Variants in IL1RAP observed in about 807,000 individuals in gnomAD.
The protein encoded by IL1RAP is interleukin-1 receptor accessory protein.
IL1RAP carries 35 observed loss-of-function variants against 60.7 expected under a neutral mutation model. The ratio of observed to expected loss-of-function variants is 0.58; its 90% confidence interval spans 0.44 to 0.76. The LOEUF (loss-of-function observed/expected upper bound fraction) is 0.76. IL1RAP is among the 30% of genes least tolerant of loss of function. The probability of loss-of-function intolerance (pLI) is 0.00; values close to 1 mark genes in which losing one functional copy is unlikely to be tolerated. For synonymous variants in IL1RAP, 268 were observed against 250.9 expected (o/e 1.07, Z -0.64); for missense variants, 572 against 693.9 (o/e 0.82, Z 1.97).
chr3:190,538,289 G>C (rs903482854), intron 1 of IL1RAP, among the ~76,000 whole-genome samples: 1 of 152,154 alleles, frequency 6.6e-6, no homozygotes, highest in African/African-American at 2.4e-5. Flanking sequence ...TCTTGTCCTA[G>C]ACTTATGGAA....
chr3:190,629,862 A>G, intron 9 of IL1RAP: 1 of 986,612 alleles, frequency 1.0e-6, no homozygotes, highest in Non-Finnish European at 1.2e-6. Context: ...AATTATTAAG[A>G]CCCTTTTAAA....
intron 5 of IL1RAP, among the ~76,000 whole-genome samples, chr3:190,609,722 C>T (rs1264064793): frequency 6.6e-6 from 1 of 152,168 alleles, no homozygotes; most frequent in African/African-American, 2.4e-5. Context: ...TCTCCACATA[C>T]ACCAAAGCCG....
chr3:190,522,317 CCTTCCTTCCTTCCTTCCTTCCTT>C (rs1722109571), intron 1 of IL1RAP, among the ~76,000 whole-genome samples: 1 of 133,318 alleles, frequency 7.5e-6, no homozygotes, highest in African/African-American at 3.3e-5. Context: ...TTCCTTCCTT[CCTTCCTTCCTTCCTTCCTTCCTT>C]CCTCCCTCCC....
At chr3:190,568,532 A>T (rs895820421) in intron 3 of IL1RAP, among the ~76,000 whole-genome samples, 96 of 152,218 alleles carry the variant, frequency 6.3e-4, no homozygotes, top group African/African-American at 2.3e-3. Context: ...TGAATTATAC[A>T]ATGCAAAATA....
downstream of IL1RAP, among the ~76,000 whole-genome samples, chr3:190,652,465 A>G (rs1227081603): frequency 6.6e-6 from 1 of 152,106 alleles, no homozygotes; most frequent in African/African-American, 2.4e-5. Flanking sequence ...CAGAAAAAAA[A>G]AAAAAATCCT....
At chr3:190,657,311 C>T (rs985756941) in exon 12 of IL1RAP, 1 of 151,906 alleles carries the variant, frequency 6.6e-6, no homozygotes, top group Admixed American at 6.6e-5. Context: ...GGTTTAGGTA[C>T]CAGAAAAACT....
chr3:190,524,989 C>CAT (rs35063682), intron 1 of IL1RAP, among the ~76,000 whole-genome samples: 2 of 151,530 alleles, frequency 1.3e-5, no homozygotes, highest in African/African-American at 2.4e-5. Context: ...TGTCTATGTA[C>CAT]ATATATATAT....
intron 3 of IL1RAP, among the ~76,000 whole-genome samples, chr3:190,589,848 G>C (rs1203307924): frequency 6.6e-6 from 1 of 152,178 alleles, no homozygotes; most frequent in Non-Finnish European, 1.5e-5. Flanking sequence ...TCATGCTGTT[G>C]AGTGGAAAGG....
At chr3:190,557,213 C>T (rs967137375) in intron 2 of IL1RAP, among the ~76,000 whole-genome samples, 1 of 152,178 alleles carries the variant, frequency 6.6e-6, no homozygotes, top group African/African-American at 2.4e-5. Flanking sequence ...CTAGGAACTG[C>T]AAGTTCAGTG....
chr3:190,624,988 C>T (rs898215793), intron 7 of IL1RAP: 13 of 167,410 alleles, frequency 7.8e-5, no homozygotes, highest in Admixed American at 1.8e-4. Flanking sequence ...CACACTGCAG[C>T]GGGGTCCTCG....
chr3:190,598,453 T>C (rs925589907), intron 3 of IL1RAP, among the ~76,000 whole-genome samples: 17 of 152,148 alleles, frequency 1.1e-4, no homozygotes, highest in African/African-American at 3.9e-4. Context: ...TAAGGATGGT[T>C]TGACATAGAA....
intron 9 of IL1RAP, among the ~76,000 whole-genome samples, chr3:190,635,552 GTTATTA>G (rs1198345271): frequency 6.6e-6 from 1 of 151,948 alleles, no homozygotes; most frequent in Admixed American, 6.6e-5. Context: ...TCGAGTTTTT[GTTATTA>G]TTAAGTTCAA....
chr3:190,519,478 AG>A (rs1373770490), intron 1 of IL1RAP, among the ~76,000 whole-genome samples: 1 of 152,180 alleles, frequency 6.6e-6, no homozygotes, highest in East Asian at 1.9e-4. Context: ...TTTCCTAATT[AG>A]TAAAGATTGG....
intron 9 of IL1RAP, among the ~76,000 whole-genome samples, chr3:190,639,598 T>C (rs1327753839): frequency 6.6e-6 from 1 of 152,228 alleles, no homozygotes; most frequent in Non-Finnish European, 1.5e-5. Context: ...CAATTTTTGT[T>C]CTGTTTTGAT....
chr3:190,643,083 C>T (rs1037083924), intron 9 of IL1RAP, among the ~76,000 whole-genome samples: 3 of 152,148 alleles, frequency 2.0e-5, no homozygotes, highest in Admixed American at 6.5e-5. Flanking sequence ...GACATAATCT[C>T]TACCTGAAAG....
chr3:190,605,438 T>A (rs992107255), intron 4 of IL1RAP, among the ~76,000 whole-genome samples: 12 of 152,198 alleles, frequency 7.9e-5, no homozygotes, highest in Non-Finnish European at 1.5e-4. Flanking sequence ...TACTTTTTAC[T>A]CACAGTCACT....
rs13315018 is a variant in IL1RAP, at chr3:190,582,505, A to G, written c.64+18152A>G. On this transcript the variant is annotated intron_variant, in intron 3 of 11. Coordinates refer to ENST00000447382, the MANE Select transcript of IL1RAP (RefSeq NM_002182.4). ...GGCTAATTTTGTATTTTTAGTAGAG[A>G]TAAGGTTTCACCATGTTGGTCAGGC... Among the ~76,000 whole-genome samples, 811 of 152,066 alleles carry G rather than the reference A, an allele frequency of 5.3e-3. 2 individuals carry two copies. The highest frequency in any genetic ancestry group is 6.7e-3 in the Non-Finnish European group (456 of 67,984).
chr3:190,548,111 C>G (rs898871383), intron 1 of IL1RAP, among the ~76,000 whole-genome samples: 1 of 152,138 alleles, frequency 6.6e-6, no homozygotes, highest in Non-Finnish European at 1.5e-5. Flanking sequence ...TGCCTTGGAT[C>G]CATTCAAGTC....
chr3:190,654,189 A>AACACAC (rs1553854856), downstream of IL1RAP, among the ~76,000 whole-genome samples: 2 of 43,738 alleles, frequency 4.6e-5, no homozygotes, highest in African/African-American at 1.9e-4. Context: ...GAAACATCAT[A>AACACAC]TCACACACAC....
Sources: gnomAD v4.1 joint callset for allele counts (sites outside exome capture counted in the v4.1 genomes callset) on GRCh38, gnomAD v4.1.1 for gene constraint, MANE v1.5 for transcripts, NCBI Gene and HGNC (gene_info 2026-07-23, HGNC 2026-07-21) for gene names.